Variants in HCRTR2 observed in about 807,000 individuals in gnomAD.
The protein encoded by HCRTR2 is orexin receptor type 2.
A neutral mutation model predicts 49.0 loss-of-function variants in HCRTR2; 22 were observed. The ratio of observed to expected loss-of-function variants is 0.45; its 90% CI spans 0.32 to 0.64. HCRTR2 has a LOEUF of 0.64. HCRTR2 is among the 30% of genes least tolerant of loss of function. The pLI, the probability that HCRTR2 is intolerant of heterozygous loss-of-function variation, is 0.04. For missense variants in HCRTR2, 491 were observed against 559.4 expected, an observed-to-expected ratio of 0.88 and a Z score of 1.23; for synonymous variants, 236 against 205.3, an observed-to-expected ratio of 1.15 and a Z score of -1.28.
chr6:55,221,535 C>T (rs191384752), intron 1 of HCRTR2, among the ~76,000 whole-genome samples: 38 of 152,070 alleles, frequency 2.5e-4, no homozygotes, highest in South Asian at 8.3e-4. Flanking sequence ...AGATCTGGGC[C>T]GGGCGTGGTG....
intron 1 of HCRTR2, among the ~76,000 whole-genome samples, chr6:55,246,275 C>G (rs185708592): frequency 2.0e-5 from 3 of 151,942 alleles, no homozygotes; most frequent in African/African-American, 7.2e-5. Flanking sequence ...CCTTAGAAAA[C>G]AAATACAATG....
At chr6:55,136,381 A>C (rs1393336987) in intron 1 of HCRTR2, among the ~76,000 whole-genome samples, 2 of 152,188 alleles carry the variant, frequency 1.3e-5, no homozygotes, top group Admixed American at 6.5e-5. Context: ...TCCTGTTCAC[A>C]TACACACTCT....
chr6:55,260,058 A>G (rs1766725798), intron 3 of HCRTR2, among the ~76,000 whole-genome samples: 1 of 152,102 alleles, frequency 6.6e-6, no homozygotes, highest in African/African-American at 2.4e-5. Flanking sequence ...TTAGCAGTCA[A>G]TTACATATTT....
intron 1 of HCRTR2, among the ~76,000 whole-genome samples, chr6:55,148,097 G>A (rs1414436586): frequency 6.6e-6 from 1 of 152,074 alleles, no homozygotes; most frequent in Non-Finnish European, 1.5e-5. Context: ...CCAATGGTGA[G>A]GCAAACCAAG....
intron 1 of HCRTR2, among the ~76,000 whole-genome samples, chr6:55,236,913 G>A (rs1367545671): frequency 6.6e-6 from 1 of 152,000 alleles, no homozygotes; most frequent in Non-Finnish European, 1.5e-5. Flanking sequence ...TTTGTCTCAT[G>A]CTACTTCTAT....
rs1337813263 is a variant in HCRTR2 at position 55,282,451 on chromosome 6, G to C, written c.1332G>C (p.Trp444Cys). The change falls in exon 7 of 7, where the codon TGG (tryptophan) becomes TGC (cysteine). Residue 444 changes from tryptophan (W) to cysteine (C), a missense_variant. Coordinates refer to ENST00000370862, the MANE Select transcript of HCRTR2 (RefSeq NM_001384272.1). ...AANGAGPLQN[W>C] ...ATGGAGCAGGACCACTTCAAAACTG[G>C]TAGAATATTTATTCATATGACAAGG... is the stretch of plus-strand genomic sequence containing the variant. 1 of 1,521,784 alleles carries C rather than the reference G, an allele frequency of 6.6e-7. No homozygotes were observed. The highest frequency in any genetic ancestry group is 1.7e-5 in the Admixed American group (1 of 59,738). 94.3% of individuals were successfully genotyped at this position (1,521,784 alleles called of 1,614,324 possible).
chr6:55,165,739 T>A (rs901469401), intron 1 of HCRTR2, among the ~76,000 whole-genome samples: 2 of 125,618 alleles, frequency 1.6e-5, no homozygotes, highest in Non-Finnish European at 3.2e-5. Context: ...GGGATTAGTA[T>A]ACAGAATATA....
At chr6:55,270,631 T>C (rs1029218174) in intron 4 of HCRTR2, among the ~76,000 whole-genome samples, 1 of 152,216 alleles carries the variant, frequency 6.6e-6, no homozygotes, top group Non-Finnish European at 1.5e-5. Context: ...AACAAAAACT[T>C]TGTTTCATGC....
chr6:55,164,819 A>G (rs936917928), intron 1 of HCRTR2, among the ~76,000 whole-genome samples: 2 of 152,180 alleles, frequency 1.3e-5, no homozygotes, highest in Admixed American at 1.3e-4. Flanking sequence ...AAAGAACTAT[A>G]TAAGTCACTG....
intron 1 of HCRTR2, among the ~76,000 whole-genome samples, chr6:55,190,318 G>C (rs1198855160): frequency 2.0e-5 from 3 of 152,292 alleles, no homozygotes; most frequent in African/African-American, 7.2e-5. Flanking sequence ...TGCCTTATGG[G>C]TATAAGAGAA....
At chr6:55,168,758 A>C (rs1340868223) in intron 1 of HCRTR2, among the ~76,000 whole-genome samples, 1 of 152,004 alleles carries the variant, frequency 6.6e-6, no homozygotes, top group Non-Finnish European at 1.5e-5. Context: ...TTTCATAGAA[A>C]TAGTGTCTCA....
intron 1 of HCRTR2, among the ~76,000 whole-genome samples, chr6:55,176,250 T>C (rs940792012): frequency 2.0e-5 from 3 of 152,200 alleles, no homozygotes; most frequent in Non-Finnish European, 4.4e-5. Flanking sequence ...CTGAGAACTT[T>C]AGTACATTTT....
At chr6:55,274,707 G>A (rs1450370224) in intron 4 of HCRTR2, among the ~76,000 whole-genome samples, 1 of 151,962 alleles carries the variant, frequency 6.6e-6, no homozygotes, top group Non-Finnish European at 1.5e-5. Flanking sequence ...TGAGCAAATG[G>A]TATTATCCTA....
rs187994290 is a variant in HCRTR2 at position 55,128,408 on chromosome 6, C to T, written c.-378+21863C>T. 1.2e-4 allele frequency among the ~76,000 whole-genome samples: 18 copies of T among 152,248 alleles called. No individual in the cohort carries two copies. The East Asian group carries it at 2.5e-3, about 21-fold the overall frequency. On this transcript the variant is annotated intron_variant, in intron 1 of 7. Coordinates refer to the HCRTR2 transcript ENST00000615358. ...TAGGATTGCCTTGGGTATTCACGCT[C>T]TTTTTTGGTTCCATTTGAATTTTAA...
In HCRTR2 at chr6:55,126,202, G is replaced by A. The variant is rs535991732; in HGVS notation, c.-378+19657G>A. 2.0e-5 allele frequency among the ~76,000 whole-genome samples: 3 copies of A among 152,180 alleles called. No homozygotes were observed. In the South Asian group the frequency reaches 6.2e-4, roughly 32 times the overall value. On this transcript the variant is annotated intron_variant, in intron 1 of 7. Coordinates refer to the HCRTR2 transcript ENST00000615358. ...CTTTTGGAGGAGAAGAGGTGCTCTG[G>A]TTTTTGGAATTTTCAGCCTTTTTTG...
chr6:55,227,948 CAA>C lies in HCRTR2; in HGVS notation c.224-20690_224-20689del, dbSNP rs146687000. ...AAGTAGTGTCATGGCAGTTGGAAGACAAGAGATTATCCAAGCACTGGTTATAG... is the reference window on the plus strand; with the variant it reads ...AAGTAGTGTCATGGCAGTTGGAAGACGAGATTATCCAAGCACTGGTTATAG... On this transcript the variant is annotated intron_variant, in intron 1 of 6. Transcript: ENST00000370862. 9.0e-3 allele frequency among the ~76,000 whole-genome samples: 1,372 copies of C among 152,144 alleles called. 16 individuals are homozygous for C. The highest frequency in any genetic ancestry group is 0.03 in the African/African-American group (1,225 of 41,520).
intron 1 of HCRTR2, among the ~76,000 whole-genome samples, chr6:55,160,929 C>T (rs1176141022): frequency 6.6e-6 from 1 of 152,046 alleles, no homozygotes; most frequent in South Asian, 2.1e-4. Context: ...ATCAATGAGA[C>T]AGAAAATTAA....
intron 1 of HCRTR2, among the ~76,000 whole-genome samples, chr6:55,159,975 G>A (rs1764783459): frequency 6.6e-6 from 1 of 152,098 alleles, no homozygotes. Context: ...TTAAATTCAG[G>A]AAATACAGAG....
rs141826736 is a variant in HCRTR2 at position 55,245,717 on chromosome 6, A to G, written c.224-2922A>G. ...AATAAAATAACCAGGGTGATGGGGA[A>G]TGAAAAGCCCATAAGTTTCACATGA... is the stretch of plus-strand genomic sequence containing the variant. On this transcript the variant is annotated intron_variant, in intron 1 of 6. Coordinates refer to ENST00000370862, the MANE Select transcript of HCRTR2 (RefSeq NM_001384272.1). Among the ~76,000 whole-genome samples, 689 of 151,726 alleles carry G rather than the reference A, an allele frequency of 4.5e-3. 5 individuals are homozygous for G. Among genetic ancestry groups the G allele is most frequent in the African/African-American group, 0.015 (630 of 41,444 alleles).
Sources: gnomAD v4.1 joint callset for allele counts (sites outside exome capture counted in the v4.1 genomes callset) on GRCh38, gnomAD v4.1.1 for gene constraint, MANE v1.5 for transcripts, NCBI Gene and HGNC (gene_info 2026-07-23, HGNC 2026-07-21) for gene names.